SPEF2: variants seen among roughly 807,000 people sequenced by gnomAD.
SPEF2 encodes the protein sperm flagella and cilia-associated protein 2.
In SPEF2, 187 loss-of-function variants were observed where a neutral mutation model predicts 224.6. That is an observed-to-expected ratio of 0.83 (90% CI 0.74 to 0.94). The LOEUF (loss-of-function observed/expected upper bound fraction) is 0.94, where lower values mean the gene tolerates loss of function less well. Ranked by LOEUF, SPEF2 falls within the 40% of genes least tolerant of loss-of-function variation. The pLI is 0.00. For synonymous variants in SPEF2, 715 were observed against 707.3 expected, an observed-to-expected ratio of 1.01 and a Z score of -0.17; for missense variants, 2,170 against 2,135.6, an observed-to-expected ratio of 1.02 and a Z score of -0.32.
chr5:35,649,271 T>G, intron 5 of SPEF2, 90 bp from the exon 6 acceptor site: 1 of 1,108,634 alleles, frequency 9.0e-7, no homozygotes, highest in Non-Finnish European at 1.3e-6. Flanking sequence ...TTAGTAGTAC[T>G]TGTCACTTTA....
At position 35,799,906 on chromosome 5, in the gene SPEF2, A is replaced by G. The variant is rs1757197805; in HGVS notation, c.4831-62A>G. ...AGCTCCTGGGGAGATTCTTCATTGC[A>G]TGACTAACTACTGACTATGAGAGTG... On this transcript the variant is annotated intron_variant, in intron 33 of 36. Transcript: ENST00000356031. 7 of 1,570,370 alleles carry G rather than the reference A, an allele frequency of 4.5e-6. No homozygotes were observed. The South Asian group carries it at 8.2e-5, about 18-fold the overall frequency.
chr5:35,649,428 G>A lies in SPEF2; in HGVS notation c.791+3G>A, dbSNP rs1434829233. 1 of 1,608,540 alleles carries A rather than the reference G, an allele frequency of 6.2e-7. No homozygotes were observed. The highest frequency in any genetic ancestry group is 1.7e-5 in the Admixed American group (1 of 59,386). On this transcript the variant is annotated splice_donor_region_variant and intron_variant, in intron 6 of 36. Coordinates refer to ENST00000356031, the MANE Select transcript of SPEF2 (RefSeq NM_024867.4). ...AAGGATCTCCAAGCAAAAGAAAGGT[G>A]AGATGTGAGCTATTTTAAGAATTAC...
intron 21 of SPEF2, among the ~76,000 whole-genome samples, chr5:35,737,261 T>C (rs6898958): frequency 0.66 from 99,628 of 151,928 alleles, 33,034 homozygotes; most frequent in Middle Eastern, 0.75. Flanking sequence ...ATATGCACAA[T>C]GTGCAGGTTT....
intron 23 of SPEF2, among the ~76,000 whole-genome samples, chr5:35,748,829 A>C (rs1748963771): frequency 6.6e-6 from 1 of 151,004 alleles, no homozygotes; most frequent in Non-Finnish European, 1.5e-5. Context: ...ACATAACCTA[A>C]TACCAAAGCC....
intron 12 of SPEF2, among the ~76,000 whole-genome samples, chr5:35,693,093 T>C (rs1210293969): frequency 6.6e-6 from 1 of 151,784 alleles, no homozygotes; most frequent in Non-Finnish European, 1.5e-5. Context: ...TGGGTGAAGA[T>C]TGAATTGTGG....
intron 30 of SPEF2, among the ~76,000 whole-genome samples, chr5:35,786,040 T>C (rs755769344): frequency 4.6e-5 from 7 of 152,226 alleles, no homozygotes; most frequent in Non-Finnish European, 8.8e-5. Context: ...ACCATGCTGC[T>C]GAATGATCTA....
chr5:35,641,786 T>C (rs1746660677), intron 3 of SPEF2, 103 bp downstream of exon 3: 4 of 1,237,486 alleles, frequency 3.2e-6, no homozygotes, highest in Admixed American at 2.5e-5. Flanking sequence ...TAGGCATATA[T>C]ATCCTTTATG....
intron 23 of SPEF2, among the ~76,000 whole-genome samples, chr5:35,748,046 G>A (rs534461009): frequency 3.6e-4 from 55 of 152,202 alleles, no homozygotes; most frequent in Non-Finnish European, 6.6e-4. Flanking sequence ...TCAAAACTAT[G>A]CAAATACATA....
intron 10 of SPEF2, among the ~76,000 whole-genome samples, chr5:35,675,117 T>C (rs1445642505): frequency 6.6e-6 from 1 of 152,334 alleles, no homozygotes; most frequent in East Asian, 1.9e-4. Context: ...GGAATACAGC[T>C]GACCTCTAAG....
intron 29 of SPEF2, among the ~76,000 whole-genome samples, chr5:35,776,818 A>G (rs1459887590): frequency 1.3e-5 from 2 of 152,240 alleles, no homozygotes; most frequent in African/African-American, 4.8e-5. Context: ...TTTACCAGCT[A>G]GACTGATTCT....
At chr5:35,712,973 A>G (rs1741483449) in intron 20 of SPEF2, 87 bp downstream of exon 20, 27 of 1,191,434 alleles carry the variant, frequency 2.3e-5, no homozygotes, top group Non-Finnish European at 3.1e-5. Flanking sequence ...GTATAGTAGT[A>G]TACATTGACC....
chr5:35,797,317 GGTGTGTGTGTGT>G (rs3219619), intron 33 of SPEF2, among the ~76,000 whole-genome samples: 17 of 142,118 alleles, frequency 1.2e-4, no homozygotes, highest in East Asian at 2.0e-4. Context: ...ATGGCTGACG[GGTGTGTGTGTGT>G]GTGTGTGTGT....
chr5:35,708,799 A>G, intron 18 of SPEF2, 149 bp from the exon 19 acceptor site: 3 of 718,212 alleles, frequency 4.2e-6, no homozygotes, highest in South Asian at 4.3e-5. Context: ...AGCTTTAAGG[A>G]CTAGATGATT....
intron 4 of SPEF2, among the ~76,000 whole-genome samples, chr5:35,645,918 A>AT (rs1747306312): frequency 6.6e-6 from 1 of 152,102 alleles, no homozygotes; most frequent in South Asian, 2.1e-4. Context: ...GTAAATTGAA[A>AT]TTTTTTATCT....
At chr5:35,735,881 T>C (rs1746510706) in intron 21 of SPEF2, among the ~76,000 whole-genome samples, 1 of 152,240 alleles carries the variant, frequency 6.6e-6, no homozygotes, top group Non-Finnish European at 1.5e-5. Flanking sequence ...GAACACTACG[T>C]GTTCTTCATG....
chr5:35,807,676 C>T, intron 36 of SPEF2: 1 of 1,536,018 alleles, frequency 6.5e-7, no homozygotes, highest in Non-Finnish European at 8.7e-7. Context: ...ATAGTGTGTG[C>T]AAAAGGTTGG....
chr5:35,641,961 T>A (rs917694136), intron 3 of SPEF2, among the ~76,000 whole-genome samples: 2 of 152,238 alleles, frequency 1.3e-5, no homozygotes, highest in African/African-American at 4.8e-5. Flanking sequence ...GACAGGGCCT[T>A]GCTCTTTTGC....
chr5:35,649,716 T>A (rs1165609386), intron 6 of SPEF2, among the ~76,000 whole-genome samples: 1 of 152,266 alleles, frequency 6.6e-6, no homozygotes, highest in Non-Finnish European at 1.5e-5. Flanking sequence ...TCACTAAAAT[T>A]GTTTCAAGGT....
At chr5:35,766,859 G>T (rs1752159599) in intron 26 of SPEF2, among the ~76,000 whole-genome samples, 1 of 151,630 alleles carries the variant, frequency 6.6e-6, no homozygotes, top group African/African-American at 2.4e-5. Flanking sequence ...AAGCATTTTA[G>T]AAATATATTT....
Sources: gnomAD v4.1 joint callset for allele counts (sites outside exome capture counted in the v4.1 genomes callset) on GRCh38, gnomAD v4.1.1 for gene constraint, MANE v1.5 for transcripts, NCBI Gene and HGNC (gene_info 2026-07-23, HGNC 2026-07-21) for gene names.